LRFN5: variants seen among roughly 807,000 people sequenced by gnomAD.
LRFN5 encodes leucine-rich repeat and fibronectin type-III domain-containing protein 5.
In LRFN5, 24 loss-of-function variants were observed where a neutral mutation model predicts 45.6. The observed-to-expected ratio is 0.53, with a 90% CI of 0.38 to 0.74. The LOEUF (loss-of-function observed/expected upper bound fraction) is 0.74. Ranked by LOEUF, LRFN5 falls within the 30% of genes least tolerant of loss-of-function variation. LRFN5 has a pLI of 0.00. For synonymous variants in LRFN5, 340 were observed against 313.8 expected (o/e 1.08, Z -0.88); for missense variants, 776 against 861.5 (o/e 0.90, Z 1.24).
At chr14:41,877,252 C>T (rs1006570386) in intron 2 of LRFN5, among the ~76,000 whole-genome samples, 15 of 152,142 alleles carry the variant, frequency 9.9e-5, no homozygotes, top group Admixed American at 8.5e-4. Flanking sequence ...TGCACAAGCT[C>T]AGCAGCTGCA....
At chr14:41,679,085 A>G (rs911683025) in intron 1 of LRFN5, among the ~76,000 whole-genome samples, 1 of 152,072 alleles carries the variant, frequency 6.6e-6, no homozygotes, top group African/African-American at 2.4e-5. Context: ...GGGAATCATC[A>G]ATCCCAGGGG....
chr14:41,613,208 G>A (rs1226907790), intron 1 of LRFN5, among the ~76,000 whole-genome samples: 1 of 151,980 alleles, frequency 6.6e-6, no homozygotes, highest in Non-Finnish European at 1.5e-5. Context: ...GGTCATATTG[G>A]CAGGAAAATG....
chr14:41,679,764 A>T (rs1325264415), intron 1 of LRFN5, among the ~76,000 whole-genome samples: 1 of 152,138 alleles, frequency 6.6e-6, no homozygotes, highest in Admixed American at 6.6e-5. Flanking sequence ...CTTACTGCTT[A>T]GGTACCAGCT....
At chr14:41,886,545 G>C (rs982601416) in intron 2 of LRFN5, 61 bp from the exon 3 acceptor site, 1 of 1,042,370 alleles carries the variant, frequency 9.6e-7, no homozygotes, top group Admixed American at 2.7e-5. Context: ...ATTCTAGTAG[G>C]AATATGAATA....
At chr14:41,714,606 TC>T (rs1883414305) in intron 1 of LRFN5, among the ~76,000 whole-genome samples, 1 of 152,128 alleles carries the variant, frequency 6.6e-6, no homozygotes, top group Non-Finnish European at 1.5e-5. Flanking sequence ...ATTTTTTTAG[TC>T]AAAGATGCTA....
chr14:41,833,736 T>A (rs1888565265), intron 2 of LRFN5, among the ~76,000 whole-genome samples: 1 of 152,216 alleles, frequency 6.6e-6, no homozygotes, highest in South Asian at 2.1e-4. Flanking sequence ...TCTACTTTCT[T>A]AACTTTGTCA....
chr14:41,885,142 A>T (rs1016451782), intron 2 of LRFN5, among the ~76,000 whole-genome samples: 1 of 129,742 alleles, frequency 7.7e-6, no homozygotes, highest in African/African-American at 2.9e-5. Flanking sequence ...CAGGAGTTTG[A>T]GCCCTGTCTC....
At chr14:41,663,672 C>T (rs17112177) in intron 1 of LRFN5, among the ~76,000 whole-genome samples, 3,192 of 152,030 alleles carry the variant, frequency 0.021, 106 homozygotes, top group African/African-American at 0.07. Context: ...CATATCCTGG[C>T]AGCCCATACT....
chr14:41,891,562 T>C lies in LRFN5; in HGVS notation c.1698T>C (p.Val566=), dbSNP rs149456109. ...ATGGGCAACACAAGGTCACCAAGGT[T>C]AGCAATGTTTATTCCCAAACTAACG... ...NNNGQHKVTK[V]SNVYSQTNGA... Residue 566 remains valine (V), a synonymous_variant, in exon 4 of 6, where the codon GTT becomes GTC. Coordinates refer to ENST00000298119, the MANE Select transcript of LRFN5 (RefSeq NM_152447.5). 8.1e-6 allele frequency: 13 copies of C among 1,614,076 alleles called. No individual in the cohort carries two copies. In the African/African-American group the frequency reaches 1.7e-4, roughly 22 times the overall value.
At position 41,891,425 on chromosome 14, in the gene LRFN5, C is replaced by A; in HGVS notation, c.1561C>A (p.Gln521Lys). Residue 521 changes from glutamine to lysine, a missense_variant, in exon 4 of 6, where the codon CAG (glutamine) becomes AAG (lysine). Physicochemically the swap from Gln to Lys is moderately conservative, Grantham distance 53. This residue lies in a region of LRFN5 where 465 missense variants were observed against 456.4 expected (regional missense o/e 1.02). Coordinates refer to ENST00000298119, the MANE Select transcript of LRFN5 (RefSeq NM_152447.5). ...GGATTATGTGCGTTGCCATTTCATG[C>A]AGTCTCAGTTTTTGGGAGGCACCAT... is the stretch of plus-strand genomic sequence containing the variant. Reference protein sequence around the residue: ...EQDYVRCHFMQSQFLGGTMII... With the variant: ...EQDYVRCHFMKSQFLGGTMII... 1 of 1,614,104 alleles carries A rather than the reference C, an allele frequency of 6.2e-7. No individual in the cohort carries two copies. Among genetic ancestry groups the A allele is most frequent in the Non-Finnish European group, 8.5e-7 (1 of 1,180,036 alleles).
chr14:41,900,973 T>A (rs911422983), intron 5 of LRFN5, among the ~76,000 whole-genome samples: 10 of 152,102 alleles, frequency 6.6e-5, no homozygotes, highest in Admixed American at 3.3e-4. Context: ...AGGTACCTGT[T>A]AAGGTGAATT....
chr14:41,826,305 T>C (rs548129657), intron 2 of LRFN5, among the ~76,000 whole-genome samples: 4 of 152,312 alleles, frequency 2.6e-5, no homozygotes, highest in African/African-American at 9.6e-5. Flanking sequence ...CCTTGTACCA[T>C]ACTTTCCTTA....
chr14:41,632,266 C>T (rs1329884582), intron 1 of LRFN5, among the ~76,000 whole-genome samples: 4 of 152,120 alleles, frequency 2.6e-5, no homozygotes, highest in Non-Finnish European at 5.9e-5. Flanking sequence ...TATGCTGTTA[C>T]TTCCATCATC....
At chr14:41,899,582 G>A (rs943951934) in intron 5 of LRFN5, among the ~76,000 whole-genome samples, 2 of 152,052 alleles carry the variant, frequency 1.3e-5, no homozygotes, top group Non-Finnish European at 2.9e-5. Context: ...TGTTTCCAGA[G>A]CAGAGAAGCA....
intron 2 of LRFN5, among the ~76,000 whole-genome samples, chr14:41,819,961 T>TC (rs1200737124): frequency 6.7e-6 from 1 of 149,272 alleles, no homozygotes; most frequent in Non-Finnish European, 1.5e-5. Context: ...GGTTATTTGT[T>TC]TTTTTTTTTA....
At chr14:41,677,496 T>C (rs1881687698) in intron 1 of LRFN5, among the ~76,000 whole-genome samples, 1 of 152,056 alleles carries the variant, frequency 6.6e-6, no homozygotes, top group Admixed American at 6.6e-5. Context: ...TTTAAAAAAT[T>C]ACAGGATGGT....
chr14:41,738,725 G>A, intron 1 of LRFN5, among the ~76,000 whole-genome samples: 1 of 152,034 alleles, frequency 6.6e-6, no homozygotes, highest in East Asian at 1.9e-4. Context: ...ATTACATTAT[G>A]GAATCTCTGA....
chr14:41,681,989 T>C (rs933899680), intron 1 of LRFN5, among the ~76,000 whole-genome samples: 15 of 151,736 alleles, frequency 9.9e-5, no homozygotes, highest in African/African-American at 3.1e-4. Context: ...TGGAAATTTT[T>C]GTACTTTTAG....
intron 1 of LRFN5, among the ~76,000 whole-genome samples, chr14:41,708,619 T>C (rs1233587503): frequency 6.6e-6 from 1 of 152,044 alleles, no homozygotes; most frequent in Non-Finnish European, 1.5e-5. Context: ...TTCAAGTCTA[T>C]GAATTTTCAT....
Sources: gnomAD v4.1 joint callset for allele counts (sites outside exome capture counted in the v4.1 genomes callset) on GRCh38, gnomAD v4.1.1 for gene constraint, gnomAD v4.1.1 regional missense constraint, MANE v1.5 for transcripts, NCBI Gene and HGNC (gene_info 2026-07-23, HGNC 2026-07-21) for gene names.